ABCG8: variants seen among roughly 807,000 people sequenced by gnomAD.
ABCG8 encodes ATP-binding cassette sub-family G member 8.
In ABCG8, 81 loss-of-function variants were observed where a neutral mutation model predicts 71.3. The ratio of observed to expected loss-of-function variants is 1.14; its 90% confidence interval spans 0.95 to 1.37. The LOEUF is 1.37. Among genes scored for constraint, ABCG8 ranks in the 40% most tolerant of loss-of-function variants. The probability of loss-of-function intolerance (pLI) is 0.00; values close to 1 mark genes in which losing one functional copy is unlikely to be tolerated. For synonymous variants in ABCG8, 451 were observed against 354.7 expected (o/e 1.27, Z -3.05); for missense variants, 1,119 against 866.2 (o/e 1.29, Z -3.66).
intron 8 of ABCG8, 39 bp from the exon 9 acceptor site, chr2:43,873,748 A>G (rs945692251): frequency 1.2e-6 from 2 of 1,604,916 alleles, no homozygotes; most frequent in African/African-American, 1.3e-5. Flanking sequence ...GGGCTGGTGT[A>G]TGCTGTTGCC....
chr2:43,846,732 G>C (rs1668754484), intron 3 of ABCG8: 1 of 285,050 alleles, frequency 3.5e-6, no homozygotes, highest in South Asian at 3.8e-5. Flanking sequence ...CTCTCAGACA[G>C]CCTCTCCAGT....
chr2:43,842,297 G>C (rs1668605137), intron 1 of ABCG8, among the ~76,000 whole-genome samples: 1 of 152,220 alleles, frequency 6.6e-6, no homozygotes, highest in African/African-American at 2.4e-5. Context: ...ACAGGCATGA[G>C]CCACTGCGCA....
At chr2:43,860,645 C>T (rs1281558846) in intron 6 of ABCG8, among the ~76,000 whole-genome samples, 1 of 149,410 alleles carries the variant, frequency 6.7e-6, no homozygotes, top group African/African-American at 2.5e-5. Flanking sequence ...ATAGAACTCT[C>T]GCTATCTGGA....
intron 4 of ABCG8, 55 bp from the exon 5 acceptor site, chr2:43,852,299 G>C: frequency 6.2e-7 from 1 of 1,611,000 alleles, no homozygotes; most frequent in South Asian, 1.1e-5. Flanking sequence ...GTCACAATGT[G>C]TCCAGCCCTG....
At chr2:43,857,805 A>T (rs1367990599) in intron 6 of ABCG8, among the ~76,000 whole-genome samples, 1 of 151,500 alleles carries the variant, frequency 6.6e-6, no homozygotes, top group Non-Finnish European at 1.5e-5. Flanking sequence ...TGTCGTTAGA[A>T]CTCTCACTAC....
At chr2:43,874,245 C>T (rs1294728166) in intron 9 of ABCG8, among the ~76,000 whole-genome samples, 162 bp from the exon 10 acceptor site, 2 of 151,866 alleles carry the variant, frequency 1.3e-5, no homozygotes, top group Non-Finnish European at 2.9e-5. Flanking sequence ...CCTCATCAAA[C>T]ATCTAAATTA....
intron 6 of ABCG8, among the ~76,000 whole-genome samples, chr2:43,865,765 C>T (rs543375682): frequency 6.6e-6 from 1 of 152,082 alleles, no homozygotes; most frequent in African/African-American, 2.4e-5. Flanking sequence ...AGAAGTCTCA[C>T]TATCAGTCTG....
At chr2:43,860,123 G>A (rs1404309590) in intron 6 of ABCG8, among the ~76,000 whole-genome samples, 1 of 147,158 alleles carries the variant, frequency 6.8e-6, no homozygotes, top group Admixed American at 6.7e-5. Context: ...ATCATCCTCT[G>A]GATAGAACTC....
Position 43,875,233 on chromosome 2 carries a change from C to T in ABCG8, c.1576C>T (p.Gln526Ter). 6.2e-7 allele frequency: 1 copy of T among 1,614,260 alleles called. No homozygotes were observed. Among genetic ancestry groups the T allele is most frequent in the Non-Finnish European group, 8.5e-7 (1 of 1,180,054 alleles). The stretch of plus-strand genomic sequence containing the variant: ...GCTGGCCAACCTGAGGCCAGGCCTC[C>T]AGCCCTTCCTGCTGCACTTCCTGCT... ...YWLANLRPGL[Q>*]PFLLHFLLVW... Residue 526 changes from glutamine (Q) to a stop codon, truncating the protein, a stop_gained, in exon 11 of 13, where the codon CAG (glutamine) becomes TAG (stop). Transcript: ENST00000272286. LOFTEE classifies it high-confidence loss of function.
intron 9 of ABCG8, 38 bp from the exon 10 acceptor site, chr2:43,874,369 T>C: frequency 1.4e-6 from 2 of 1,457,316 alleles, no homozygotes; most frequent in African/African-American, 1.4e-5. Context: ...AGATTTATTC[T>C]ACTTCTTCAT....
chr2:43,875,661 A>T (rs957858471), intron 11 of ABCG8, among the ~76,000 whole-genome samples: 2 of 151,808 alleles, frequency 1.3e-5, no homozygotes, highest in African/African-American at 4.8e-5. Context: ...CTCCCTCTCC[A>T]CATCCACCTG....
chr2:43,870,706 A>C (rs1558847511), intron 6 of ABCG8, among the ~76,000 whole-genome samples: 1 of 151,624 alleles, frequency 6.6e-6, no homozygotes, highest in African/African-American at 2.4e-5. Context: ...TCTGGATCGA[A>C]CTCTCACTAT....
Position 43,875,319 on chromosome 2 carries a change from C to T in ABCG8, c.1662C>T (p.Pro554=), listed in dbSNP as rs757506216. ...CCCTGGCCGCCGCGGCCCTGCTCCCCACCTTCCACATGGCCTCCTTCTTCA... is the reference window on the plus strand; with the variant it reads ...CCCTGGCCGCCGCGGCCCTGCTCCCTACCTTCCACATGGCCTCCTTCTTCA... The part of the protein sequence containing the change: ...IMALAAAALL[P]TFHMASFFSN... The change falls in exon 11 of 13, where the codon CCC becomes CCT. Residue 554 remains proline (P), a synonymous_variant. Coordinates refer to ENST00000272286, the MANE Select transcript of ABCG8 (RefSeq NM_022437.3). 30 of 1,614,062 alleles carry T rather than the reference C, an allele frequency of 1.9e-5. No individual in the cohort carries two copies. The highest frequency in any genetic ancestry group is 3.3e-5 in the Admixed American group (2 of 60,018).
At chr2:43,843,114 C>G (rs932392355) in intron 1 of ABCG8, among the ~76,000 whole-genome samples, 7 of 152,226 alleles carry the variant, frequency 4.6e-5, no homozygotes, top group Non-Finnish European at 7.3e-5. Context: ...TGGTCAGATG[C>G]TTGAGGTCAG....
intron 1 of ABCG8, among the ~76,000 whole-genome samples, chr2:43,841,033 C>A (rs1668568032): frequency 6.6e-6 from 1 of 152,190 alleles, no homozygotes; most frequent in African/African-American, 2.4e-5. Flanking sequence ...TGGGCAGGAG[C>A]AGCAACAGAG....
rs201961945 is a variant in ABCG8 at position 43,851,836 on chromosome 2, C to T, written c.561+14C>T. ...CGTGACAAAAGGGTAACTAACTGGC[C>T]CCAGTGGTGACCCCCAGGTCCAAGA... On this transcript the variant is annotated intron_variant, in intron 4 of 12. Transcript: ENST00000272286. The T allele has an allele frequency of 4.5e-4, 720 of 1,613,440 alleles. 1 individual carries two copies. The highest frequency in any genetic ancestry group is 3.4e-4 in the Non-Finnish European group (399 of 1,179,724).
intron 4 of ABCG8, 114 bp from the exon 5 acceptor site, chr2:43,852,240 C>T (rs533229623): frequency 2.8e-6 from 4 of 1,430,184 alleles, no homozygotes; most frequent in African/African-American, 2.8e-5. Flanking sequence ...GGAGCTGTCT[C>T]CCTTCACTTT....
In ABCG8 at chr2:43,872,144, G is replaced by T; in HGVS notation, c.1127+6G>T. The T allele has an allele frequency of 1.2e-6, 2 of 1,614,096 alleles. No homozygotes were observed. Among genetic ancestry groups the T allele is most frequent in the African/African-American group, 1.3e-5 (1 of 75,030 alleles). ...GAGGACACCTGTGTGGAAAGGTAAG[G>T]TGGCAGGCGACTCTGAGAGGAGAGC... is the stretch of plus-strand genomic sequence containing the variant. On this transcript the variant is annotated splice_donor_region_variant and intron_variant, in intron 7 of 12. Coordinates refer to ENST00000272286, the MANE Select transcript of ABCG8 (RefSeq NM_022437.3).
At chr2:43,859,013 A>G (rs1158948401) in intron 6 of ABCG8, among the ~76,000 whole-genome samples, 1 of 144,684 alleles carries the variant, frequency 6.9e-6, no homozygotes, top group Non-Finnish European at 1.5e-5. Flanking sequence ...TCTGGGTGGA[A>G]CTCTCACTAT....
Sources: gnomAD v4.1 joint callset for allele counts (sites outside exome capture counted in the v4.1 genomes callset) on GRCh38, gnomAD v4.1.1 for gene constraint, MANE v1.5 for transcripts, NCBI Gene and HGNC (gene_info 2026-07-23, HGNC 2026-07-21) for gene names.